The following CLUAP1 variants were observed in gnomAD, a reference collection of about 807,000 sequenced individuals.
CLUAP1 encodes the protein clusterin-associated protein 1.
Under a neutral mutation model 55.0 loss-of-function variants are expected in CLUAP1, and 50 were observed. The observed-to-expected ratio is 0.91, with a 90% CI of 0.72 to 1.15. CLUAP1 has a LOEUF of 1.15. Among genes scored for constraint, CLUAP1 ranks in the 50% most tolerant of loss-of-function variants. The probability of loss-of-function intolerance (pLI) is 0.00; values close to 1 mark genes in which losing one functional copy is unlikely to be tolerated. For missense variants in CLUAP1, 530 were observed against 507.6 expected (o/e 1.04, Z -0.42); for synonymous variants, 195 against 175.4 (o/e 1.11, Z -0.88).
intron 8 of CLUAP1, among the ~76,000 whole-genome samples, chr16:3,524,671 G>A (rs180798635): frequency 2.6e-5 from 4 of 151,748 alleles, no homozygotes; most frequent in Admixed American, 2.6e-4. Flanking sequence ...ATAGCTCATT[G>A]GAGATTGTTT....
At chr16:3,500,925 G>C (rs2037382787), upstream of CLUAP1, 2 of 871,074 alleles carry the variant, frequency 2.3e-6, no homozygotes, top group Non-Finnish European at 1.8e-6. Flanking sequence ...ACGTGCCGCC[G>C]CGTCTTCGCT....
rs1311506711 is a variant in CLUAP1, at chr16:3,501,037, G to A, written c.-31G>A. On this transcript the variant is annotated 5_prime_UTR_variant, in exon 1 of 12. Coordinates refer to ENST00000576634, the MANE Select transcript of CLUAP1 (RefSeq NM_015041.3). ...TGTGATCGCTGAGGGGCGAGCAGTT[G>A]CGACCCTGGGCTCCTGGGGACCTGA... is the stretch of plus-strand genomic sequence containing the variant. 1 of 1,595,898 alleles carries A rather than the reference G, an allele frequency of 6.3e-7. No individual in the cohort carries two copies. The highest frequency in any genetic ancestry group is 1.1e-5 in the South Asian group (1 of 89,004).
chr16:3,521,849 G>A (rs879399511), intron 7 of CLUAP1, among the ~76,000 whole-genome samples: 1 of 151,774 alleles, frequency 6.6e-6, no homozygotes, highest in Admixed American at 6.6e-5. Flanking sequence ...GAACTCAGGG[G>A]TTCAAGACCA....
intron 6 of CLUAP1, among the ~76,000 whole-genome samples, chr16:3,517,985 A>C (rs1329988852): frequency 1.3e-5 from 2 of 152,136 alleles, no homozygotes; most frequent in Non-Finnish European, 2.9e-5. Context: ...AAGTGGGGAC[A>C]GTGGAGTGGG....
At chr16:3,497,914 C>A (rs1345412944), upstream of CLUAP1, among the ~76,000 whole-genome samples, 1 of 152,144 alleles carries the variant, frequency 6.6e-6, no homozygotes, top group Non-Finnish European at 1.5e-5. Flanking sequence ...GCCTCCACCT[C>A]CCAAAGTGCT....
chr16:3,533,207 G>A (rs985654737), intron 11 of CLUAP1: 18 of 1,447,700 alleles, frequency 1.2e-5, no homozygotes, highest in South Asian at 7.3e-5. Flanking sequence ...CAGCCCTCCC[G>A]GGGCCAGCCA....
At chr16:3,528,088 G>A (rs376317157) in intron 9 of CLUAP1, among the ~76,000 whole-genome samples, 7 of 152,110 alleles carry the variant, frequency 4.6e-5, no homozygotes, top group Non-Finnish European at 7.4e-5. Flanking sequence ...AAAACCCACC[G>A]ACCCTGTGGG....
At chr16:3,496,284 T>C, upstream of CLUAP1, 1 of 821,160 alleles carries the variant, frequency 1.2e-6, no homozygotes, top group South Asian at 1.3e-5. Context: ...TGAGGCTGTT[T>C]GTTGGTCAAG....
At chr16:3,529,615 A>ATATTATTAT (rs1567439743) in intron 9 of CLUAP1, among the ~76,000 whole-genome samples, 35 of 26,044 alleles carry the variant, frequency 1.3e-3, no homozygotes, top group South Asian at 9.2e-3. Flanking sequence ...TATATTATAT[A>ATATTATTAT]ATATTATATA....
chr16:3,499,107 C>T (rs1223261732), upstream of CLUAP1, among the ~76,000 whole-genome samples: 1 of 152,224 alleles, frequency 6.6e-6, no homozygotes, highest in African/African-American at 2.4e-5. Flanking sequence ...AAAAGATGTT[C>T]AACATCTTTA....
At chr16:3,499,018 C>G (rs2037340207), upstream of CLUAP1, among the ~76,000 whole-genome samples, 1 of 152,182 alleles carries the variant, frequency 6.6e-6, no homozygotes, top group African/African-American at 2.4e-5. Context: ...AAAGGATGTT[C>G]AACCCAATTT....
In CLUAP1 at chr16:3,502,317, G is replaced by A. The variant is rs181521119; in HGVS notation, c.22+1228G>A. 2.6e-5 allele frequency among the ~76,000 whole-genome samples: 4 copies of A among 152,120 alleles called. No homozygotes were observed. In the East Asian group the frequency reaches 7.7e-4, roughly 29 times the overall value. ...AAATTAGCCGGGCATGGTGGCGCGC[G>A]TCTGTAGTCCCAGGTACTTGGGAAG... On this transcript the variant is annotated intron_variant, in intron 1 of 11. Coordinates refer to ENST00000576634, the MANE Select transcript of CLUAP1 (RefSeq NM_015041.3).
chr16:3,528,954 T>G (rs1358534378), intron 9 of CLUAP1, among the ~76,000 whole-genome samples: 1 of 152,162 alleles, frequency 6.6e-6, no homozygotes, highest in Non-Finnish European at 1.5e-5. Flanking sequence ...TAGTCTGTTT[T>G]GTGCTGCTGT....
At chr16:3,533,009 G>A (rs920378576) in intron 11 of CLUAP1, 168 bp downstream of exon 11, 1 of 1,373,352 alleles carries the variant, frequency 7.3e-7, no homozygotes, top group South Asian at 1.2e-5. Flanking sequence ...ACTCTTCGTT[G>A]CTCGTGGATG....
At chr16:3,529,349 C>A (rs2038010245) in intron 9 of CLUAP1, among the ~76,000 whole-genome samples, 2 of 126,370 alleles carry the variant, frequency 1.6e-5, no homozygotes, top group Admixed American at 1.0e-4. Context: ...GATGTGAAAT[C>A]CATGGATACA....
intron 1 of CLUAP1, among the ~76,000 whole-genome samples, chr16:3,503,960 A>G (rs1421871559): frequency 6.6e-6 from 1 of 152,158 alleles, no homozygotes; most frequent in Non-Finnish European, 1.5e-5. Context: ...ACAGACCTTA[A>G]ATAACCAGGA....
intron 2 of CLUAP1, among the ~76,000 whole-genome samples, chr16:3,505,057 G>A (rs1034342594): frequency 2.0e-5 from 3 of 152,098 alleles, no homozygotes; most frequent in South Asian, 2.1e-4. Context: ...CATCAACATA[G>A]CAAGACCCTG....
chr16:3,498,945 A>T (rs764834549), upstream of CLUAP1, among the ~76,000 whole-genome samples: 1 of 152,256 alleles, frequency 6.6e-6, no homozygotes, highest in African/African-American at 2.4e-5. Context: ...ATATTGGCAA[A>T]TCATATATCT....
intron 3 of CLUAP1, among the ~76,000 whole-genome samples, chr16:3,506,984 C>A (rs1338603359): frequency 6.6e-6 from 1 of 151,476 alleles, no homozygotes; most frequent in Non-Finnish European, 1.5e-5. Flanking sequence ...ATCACGAGGT[C>A]AGGAGATTGA....
Sources: gnomAD v4.1 joint callset for allele counts (sites outside exome capture counted in the v4.1 genomes callset) on GRCh38, gnomAD v4.1.1 for gene constraint, MANE v1.5 for transcripts, NCBI Gene and HGNC (gene_info 2026-07-23, HGNC 2026-07-21) for gene names.